SULF2: variants seen among roughly 807,000 people sequenced by gnomAD.
The protein encoded by SULF2 is extracellular sulfatase Sulf-2.
A neutral mutation model predicts 107.7 loss-of-function variants in SULF2; 52 were observed. That is an observed-to-expected ratio of 0.48 (90% CI 0.39 to 0.61). SULF2 has a LOEUF of 0.61. SULF2 is among the 20% of genes least tolerant of loss of function. The probability of loss-of-function intolerance (pLI) is 0.00; values close to 1 mark genes in which losing one functional copy is unlikely to be tolerated. For missense variants in SULF2, 993 were observed against 1,177.3 expected, an observed-to-expected ratio of 0.84 and a Z score of 2.29; for synonymous variants, 460 against 464.3, an observed-to-expected ratio of 0.99 and a Z score of 0.12.
intron 1 of SULF2, among the ~76,000 whole-genome samples, chr20:47,780,875 T>C (rs2090820276): frequency 6.6e-6 from 1 of 152,202 alleles, no homozygotes; most frequent in African/African-American, 2.4e-5. Context: ...CCCCGCCTTC[T>C]GACAGCCCCT....
intron 2 of SULF2, among the ~76,000 whole-genome samples, chr20:47,747,054 T>C (rs1400353515): frequency 1.3e-5 from 2 of 148,270 alleles, no homozygotes; most frequent in Non-Finnish European, 3.0e-5. Flanking sequence ...ATCTCTTATT[T>C]TTCACCTAGT....
chr20:47,776,192 A>G lies in SULF2; in HGVS notation c.-101+9151T>C, dbSNP rs140445894. Among the ~76,000 whole-genome samples the G allele has an allele frequency of 1.2e-4, 19 of 152,358 alleles. No homozygotes were observed. The East Asian group carries it at 3.7e-3, about 29-fold the overall frequency. On this transcript the variant is annotated intron_variant, in intron 1 of 20. Coordinates refer to ENST00000688720, the MANE Select transcript of SULF2 (RefSeq NM_001387048.1). The stretch of plus-strand genomic sequence containing the variant: ...GGGATGGTGGGGACCACATCTCCCC[A>G]TTTTTCAGGAGAAGCTGAAAATCCA...
intron 2 of SULF2, among the ~76,000 whole-genome samples, chr20:47,741,125 C>T (rs2089868555): frequency 6.6e-6 from 1 of 152,174 alleles, no homozygotes; most frequent in South Asian, 2.1e-4. Context: ...GTCACTTATT[C>T]CCCACGGTGT....
chr20:47,701,644 T>C (rs2088573042), intron 4 of SULF2, among the ~76,000 whole-genome samples: 1 of 152,198 alleles, frequency 6.6e-6, no homozygotes, highest in Non-Finnish European at 1.5e-5. Flanking sequence ...AGCAGCGCTA[T>C]TTGTAATAAC....
intron 1 of SULF2, among the ~76,000 whole-genome samples, chr20:47,761,957 T>C (rs1461273897): frequency 1.3e-5 from 2 of 152,248 alleles, no homozygotes; most frequent in Non-Finnish European, 2.9e-5. Context: ...TCATGAGATC[T>C]GACGGTTTTA....
intron 13 of SULF2, among the ~76,000 whole-genome samples, chr20:47,665,597 C>T (rs1269273692): frequency 6.6e-6 from 1 of 152,232 alleles, no homozygotes; most frequent in African/African-American, 2.4e-5. Context: ...TGATGAAAGG[C>T]CTCCTGTAGC....
intron 1 of SULF2, among the ~76,000 whole-genome samples, chr20:47,765,127 G>A (rs979368202): frequency 3.3e-5 from 5 of 152,060 alleles, no homozygotes; most frequent in East Asian, 1.9e-4. Flanking sequence ...CAAGGCGGGC[G>A]GATCACGAGG....
intron 3 of SULF2, among the ~76,000 whole-genome samples, chr20:47,735,621 G>T (rs2146780814): frequency 6.6e-6 from 1 of 152,316 alleles, no homozygotes; most frequent in South Asian, 2.1e-4. Flanking sequence ...ACAGGTGGTT[G>T]ATTCTGCATA....
At chr20:47,712,238 T>A (rs1035694719) in intron 3 of SULF2, among the ~76,000 whole-genome samples, 1 of 152,186 alleles carries the variant, frequency 6.6e-6, no homozygotes, top group African/African-American at 2.4e-5. Context: ...CCGTCTCCCT[T>A]CAGGGACGCA....
At chr20:47,756,524 C>T (rs1229753764) in intron 2 of SULF2, among the ~76,000 whole-genome samples, 1 of 152,198 alleles carries the variant, frequency 6.6e-6, no homozygotes, top group African/African-American at 2.4e-5. Context: ...CCACCAACAA[C>T]ACGCTGTTAT....
At chr20:47,663,731 G>C in intron 15 of SULF2, 109 bp from the exon 16 acceptor site, 1 of 1,280,678 alleles carries the variant, frequency 7.8e-7, no homozygotes, top group Non-Finnish European at 1.1e-6. Context: ...CTCCAACAGA[G>C]AGCCATGGGC....
chr20:47,754,355 T>C (rs1168705558), intron 2 of SULF2, among the ~76,000 whole-genome samples: 1 of 152,246 alleles, frequency 6.6e-6, no homozygotes, highest in African/African-American at 2.4e-5. Flanking sequence ...GACCACCCGC[T>C]GCATGCCAGT....
chr20:47,757,861 C>T (rs548419377), intron 1 of SULF2, among the ~76,000 whole-genome samples: 1 of 152,260 alleles, frequency 6.6e-6, no homozygotes, highest in East Asian at 1.9e-4. Flanking sequence ...CCTCTTGCAT[C>T]TGCCCGCACC....
intron 3 of SULF2, among the ~76,000 whole-genome samples, chr20:47,703,365 T>C (rs1272051806): frequency 1.3e-5 from 2 of 152,266 alleles, no homozygotes; most frequent in African/African-American, 4.8e-5. Context: ...TTATGGCTTA[T>C]GCTCATATTG....
At chr20:47,732,149 G>GC (rs1409457339) in intron 3 of SULF2, among the ~76,000 whole-genome samples, 1 of 152,196 alleles carries the variant, frequency 6.6e-6, no homozygotes, top group African/African-American at 2.4e-5. Flanking sequence ...TTCCACTTTG[G>GC]CCCCCCAAAA....
chr20:47,711,644 A>G (rs2088932589), intron 3 of SULF2, among the ~76,000 whole-genome samples: 1 of 152,266 alleles, frequency 6.6e-6, no homozygotes, highest in East Asian at 1.9e-4. Context: ...GCTCTCTAAG[A>G]GTCCAAATGT....
chr20:47,705,712 C>T (rs1036046560), intron 3 of SULF2, among the ~76,000 whole-genome samples: 3 of 152,068 alleles, frequency 2.0e-5, no homozygotes, highest in Admixed American at 6.5e-5. Flanking sequence ...GCTCAATATT[C>T]GCCGACGCAC....
At chr20:47,667,361 T>C (rs2087310483) in intron 11 of SULF2, among the ~76,000 whole-genome samples, 1 of 152,132 alleles carries the variant, frequency 6.6e-6, no homozygotes, top group Non-Finnish European at 1.5e-5. Flanking sequence ...GGCTTTTGCA[T>C]ACGCCCTGAC....
rs945060568 is a variant in SULF2, at chr20:47,664,124, T to C, written c.2057+6A>G. 5 of 1,613,464 alleles carry C rather than the reference T, an allele frequency of 3.1e-6. No individual in the cohort carries two copies. The African/African-American group carries it at 6.7e-5, about 22-fold the overall frequency. ...TCTCTTCCCCAGGACCTCAAGCTGC[T>C]CTTACCTGAAAGGATGCAGACTGGA... On this transcript the variant is annotated splice_donor_region_variant and intron_variant, in intron 15 of 20. Transcript: ENST00000688720.
Sources: allele counts gnomAD v4.1 joint callset (sites outside exome capture counted in the v4.1 genomes callset), GRCh38; gene constraint gnomAD v4.1.1; transcripts MANE v1.5; gene names NCBI Gene and HGNC (gene_info 2026-07-23, HGNC 2026-07-21).